PCSK2: variants seen among roughly 807,000 people sequenced by gnomAD.
PCSK2 encodes the protein proprotein convertase subtilisin/kexin type 2, also known as neuroendocrine convertase 2.
In PCSK2, 14 loss-of-function variants were observed where a neutral mutation model predicts 69.7. The ratio of observed to expected loss-of-function variants is 0.20; its 90% CI spans 0.13 to 0.31. PCSK2 has a LOEUF of 0.31. PCSK2 is among the 10% of genes least tolerant of loss of function. The probability of loss-of-function intolerance (pLI) is 1.00; values close to 1 mark genes in which losing one functional copy is unlikely to be tolerated. For synonymous variants in PCSK2, 307 were observed against 320.7 expected, an observed-to-expected ratio of 0.96 and a Z score of 0.46; for missense variants, 544 against 842.5, an observed-to-expected ratio of 0.65 and a Z score of 4.39.
At chr20:17,462,524 T>C (rs539922749) in intron 10 of PCSK2, among the ~76,000 whole-genome samples, 1 of 152,362 alleles carries the variant, frequency 6.6e-6, no homozygotes, top group South Asian at 2.1e-4. Context: ...GAGGCTCCAC[T>C]GATGCCTCCC....
At chr20:17,440,186 G>A (rs2032567673) in intron 8 of PCSK2, among the ~76,000 whole-genome samples, 1 of 152,200 alleles carries the variant, frequency 6.6e-6, no homozygotes, top group Non-Finnish European at 1.5e-5. Flanking sequence ...AATGGTCTGA[G>A]TCAGTGCTTC....
At chr20:17,479,162 C>T in intron 11 of PCSK2, 1 of 1,389,870 alleles carries the variant, frequency 7.2e-7, no homozygotes, top group Non-Finnish European at 1.0e-6. Flanking sequence ...CAGGTTCCAT[C>T]AGATGTGGTA....
At chr20:17,251,308 G>A (rs1986969310) in intron 1 of PCSK2, among the ~76,000 whole-genome samples, 1 of 152,078 alleles carries the variant, frequency 6.6e-6, no homozygotes, top group Non-Finnish European at 1.5e-5. Flanking sequence ...GTTAAGTAGA[G>A]AAAACATTTA....
intron 2 of PCSK2, among the ~76,000 whole-genome samples, chr20:17,314,928 G>A (rs1041345093): frequency 2.0e-5 from 3 of 152,142 alleles, no homozygotes; most frequent in African/African-American, 4.8e-5. Flanking sequence ...TATGCTGATG[G>A]CTAACTTGCA....
At chr20:17,311,935 T>C (rs951414720) in intron 2 of PCSK2, among the ~76,000 whole-genome samples, 3 of 152,170 alleles carry the variant, frequency 2.0e-5, no homozygotes, top group Admixed American at 2.0e-4. Context: ...AGTATTTCTC[T>C]CTCTCCCTCA....
At chr20:17,400,365 C>T (rs953031031) in intron 5 of PCSK2, among the ~76,000 whole-genome samples, 29 of 152,252 alleles carry the variant, frequency 1.9e-4, no homozygotes, top group Non-Finnish European at 2.6e-4. Context: ...GTCTAAATCC[C>T]TGCTCTGCCC....
chr20:17,432,810 A>T (rs1280607926), intron 7 of PCSK2, among the ~76,000 whole-genome samples: 1 of 152,238 alleles, frequency 6.6e-6, no homozygotes, highest in Non-Finnish European at 1.5e-5. Context: ...TGTGGTCCAT[A>T]GTTACTGTGG....
chr20:17,454,019 G>A (rs2123382432), intron 9 of PCSK2, 62 bp downstream of exon 9: 3 of 1,598,632 alleles, frequency 1.9e-6, no homozygotes, highest in Non-Finnish European at 2.6e-6. Flanking sequence ...GTCAGGGTGG[G>A]ATGCTGGGAC....
Position 17,429,428 on chromosome 20 carries a change from T to A in PCSK2, c.621-7T>A, listed in dbSNP as rs2032319214. 2 of 1,612,360 alleles carry A rather than the reference T, an allele frequency of 1.2e-6. No individual in the cohort carries two copies. Among genetic ancestry groups the A allele is most frequent in the African/African-American group, 1.3e-5 (1 of 74,902 alleles). On this transcript the variant is annotated splice_polypyrimidine_tract_variant and splice_region_variant and intron_variant, in intron 6 of 11. Coordinates refer to ENST00000262545, the MANE Select transcript of PCSK2 (RefSeq NM_002594.5). The stretch of plus-strand genomic sequence containing the variant: ...CATATCTAATGTGTCTTTATATTTT[T>A]CCAAAGCCACGGGACCCGATGTGCA...
intron 2 of PCSK2, among the ~76,000 whole-genome samples, chr20:17,288,108 C>G (rs768639643): frequency 3.3e-5 from 5 of 152,218 alleles, no homozygotes; most frequent in Non-Finnish European, 5.9e-5. Flanking sequence ...CTAAATCCAC[C>G]TGATCAAGCT....
At chr20:17,283,741 C>T (rs1390330635) in intron 2 of PCSK2, among the ~76,000 whole-genome samples, 2 of 152,120 alleles carry the variant, frequency 1.3e-5, no homozygotes, top group African/African-American at 4.8e-5. Context: ...ACTTGTCATG[C>T]TAGAGAAAAA....
rs11468966 is a variant in PCSK2 at position 17,448,893 on chromosome 20, CTTTTT to C, written c.886-4834_886-4830del. 4.9e-3 allele frequency among the ~76,000 whole-genome samples: 672 copies of C among 136,416 alleles called. 5 individuals carry two copies. The highest frequency in any genetic ancestry group is 0.015 in the African/African-American group (555 of 36,490). The allele number at this position is 136,416 out of a possible 152,430, so 89.5% of individuals were successfully genotyped here. A position where few individuals can be genotyped will look rare whatever the true frequency, so the allele number is the denominator to read the frequency against. Reference sequence around the variant, plus strand: ...CTTAATTTCACCTAAATGCACTTGCCTTTTTTTTTTTTTTTTTTTCCTTTCACCCA... The same window carrying C: ...CTTAATTTCACCTAAATGCACTTGCCTTTTTTTTTTTTTTCCTTTCACCCA... On this transcript the variant is annotated intron_variant, in intron 8 of 11. Transcript: ENST00000262545.
intron 5 of PCSK2, among the ~76,000 whole-genome samples, chr20:17,400,661 C>A (rs1409097569): frequency 1.3e-5 from 2 of 152,188 alleles, no homozygotes; most frequent in African/African-American, 4.8e-5. Context: ...CCCCACGCCT[C>A]TCCCCAGGCA....
In PCSK2 at chr20:17,230,870, A is replaced by C. The variant is rs183090661; in HGVS notation, c.177+3388A>C. Among the ~76,000 whole-genome samples, 9 of 152,328 alleles carry C rather than the reference A, an allele frequency of 5.9e-5. No individual in the cohort carries two copies. In the East Asian group the frequency reaches 1.5e-3, roughly 26 times the overall value. ...AGCACCTATAACTTTACCTCTGAAAAGGTTATGGAGATTAAAGCTTTCTAT... is the reference window on the plus strand; with the variant it reads ...AGCACCTATAACTTTACCTCTGAAACGGTTATGGAGATTAAAGCTTTCTAT... On this transcript the variant is annotated intron_variant, in intron 1 of 11. Coordinates refer to ENST00000262545, the MANE Select transcript of PCSK2 (RefSeq NM_002594.5).
At chr20:17,468,279 C>A (rs2033138966) in intron 11 of PCSK2, among the ~76,000 whole-genome samples, 1 of 146,414 alleles carries the variant, frequency 6.8e-6, no homozygotes, top group Non-Finnish European at 1.5e-5. Flanking sequence ...CATAGGCCAG[C>A]ATCATTCCAC....
chr20:17,364,488 C>A (rs1166195265), intron 4 of PCSK2, among the ~76,000 whole-genome samples: 1 of 152,090 alleles, frequency 6.6e-6, no homozygotes, highest in Admixed American at 6.6e-5. Context: ...GGAGATGAAA[C>A]CGTGTCTTAC....
chr20:17,236,975 C>CA (rs1252166932), intron 1 of PCSK2, among the ~76,000 whole-genome samples: 1 of 151,914 alleles, frequency 6.6e-6, no homozygotes, highest in East Asian at 1.9e-4. Context: ...AGGGAGTGGA[C>CA]AAAGGACAGA....
chr20:17,364,134 TAA>T (rs34372117), intron 4 of PCSK2, among the ~76,000 whole-genome samples: 13 of 137,244 alleles, frequency 9.5e-5, no homozygotes, highest in African/African-American at 1.1e-4. Context: ...ACTTAAAGTA[TAA>T]AAAAAAAAAA....
intron 1 of PCSK2, among the ~76,000 whole-genome samples, chr20:17,253,081 A>G (rs1180961732): frequency 6.6e-6 from 1 of 152,214 alleles, no homozygotes; most frequent in Non-Finnish European, 1.5e-5. Context: ...CAAAATGATA[A>G]GTGTTCATAA....
Sources: gnomAD v4.1 joint callset for allele counts (sites outside exome capture counted in the v4.1 genomes callset) on GRCh38, gnomAD v4.1.1 for gene constraint, MANE v1.5 for transcripts, NCBI Gene and HGNC (gene_info 2026-07-23, HGNC 2026-07-21) for gene names.